RUFY2: variants seen among roughly 807,000 people sequenced by gnomAD.
The protein encoded by RUFY2 is RUN and FYVE domain containing 2.
RUFY2 carries 49 observed loss-of-function variants against 94.4 expected under a neutral mutation model. That is an observed-to-expected ratio of 0.52 (90% CI 0.41 to 0.66). The LOEUF is 0.66. RUFY2 is among the 30% of genes least tolerant of loss of function. RUFY2 has a pLI of 0.00. For synonymous variants in RUFY2, 255 were observed against 235.7 expected, an observed-to-expected ratio of 1.08 and a Z score of -0.75; for missense variants, 541 against 692.8, an observed-to-expected ratio of 0.78 and a Z score of 2.46.
intron 4 of RUFY2, among the ~76,000 whole-genome samples, chr10:68,395,771 G>A (rs2050347649): frequency 1.3e-5 from 2 of 152,236 alleles, no homozygotes; most frequent in South Asian, 4.1e-4. Context: ...TCAGAATATT[G>A]AGAAGCCATG....
intron 13 of RUFY2, among the ~76,000 whole-genome samples, chr10:68,372,857 G>A (rs932840990): frequency 4.6e-5 from 7 of 151,532 alleles, no homozygotes; most frequent in Non-Finnish European, 8.8e-5. Flanking sequence ...GCAGTGAGCT[G>A]TGGTCACACC....
chr10:68,379,446 C>T lies in RUFY2; in HGVS notation c.1183G>A (p.Ala395Thr). 6.2e-7 allele frequency: 1 copy of T among 1,612,056 alleles called. No homozygotes were observed. Among genetic ancestry groups the T allele is most frequent in the Non-Finnish European group, 8.5e-7 (1 of 1,179,256 alleles). Residue 395 changes from alanine (A) to threonine (T), a missense_variant, in exon 12 of 18, where the codon GCC (alanine) becomes ACC (threonine). By Grantham distance (58) the Ala-to-Thr change is moderately conservative. Transcript: ENST00000602465. The part of the protein sequence containing the change: ...LEEKTNKITA[A>T]MRQLEQRLQQ... The stretch of plus-strand genomic sequence containing the variant: ...TACCTTTGTTCCAGCTGCCTCATGG[C>T]TGCAGTAATTTTATTGGTTTTTTCT...
intron 15 of RUFY2, among the ~76,000 whole-genome samples, chr10:68,358,973 G>A (rs189184966): frequency 6.6e-6 from 1 of 152,278 alleles, no homozygotes; most frequent in East Asian, 1.9e-4. Flanking sequence ...TGATTTAAAT[G>A]CTCTTATTCA....
At chr10:68,386,493 G>T (rs2049505051) in intron 7 of RUFY2, among the ~76,000 whole-genome samples, 1 of 152,118 alleles carries the variant, frequency 6.6e-6, no homozygotes, top group Admixed American at 6.6e-5. Flanking sequence ...GGGTTTACAG[G>T]CGTGCGCCAC....
At chr10:68,342,781 T>C (rs1325417056), downstream of RUFY2, 1 of 152,608 alleles carries the variant, frequency 6.6e-6, no homozygotes, top group Admixed American at 6.5e-5. Context: ...GCAAGATGTC[T>C]TAGAGTAGGG....
At chr10:68,354,137 T>A (rs1005413496) in intron 16 of RUFY2, among the ~76,000 whole-genome samples, 4 of 152,112 alleles carry the variant, frequency 2.6e-5, no homozygotes, top group African/African-American at 9.7e-5. Flanking sequence ...ATCATTATTA[T>A]TAATAATATT....
chr10:68,343,919 TTAGCC>T lies in RUFY2; in HGVS notation c.*1844_*1848del, dbSNP rs995349415. The T allele has an allele frequency of 1.3e-5, 2 of 151,652 alleles. No homozygotes were observed. Among genetic ancestry groups the T allele is most frequent in the Non-Finnish European group, 2.9e-5 (2 of 67,962 alleles). 9.4% of individuals were successfully genotyped at this position (151,652 alleles called of 1,614,324 possible). A position where few individuals can be genotyped will look rare whatever the true frequency, so the allele number is the denominator to read the frequency against. On this transcript the variant is annotated 3_prime_UTR_variant, in exon 18 of 18. Coordinates refer to ENST00000602465, the MANE Select transcript of RUFY2 (RefSeq NM_001330103.2). ...CAAAATCATGGTTTGTTGAATGAAA[TTAGCC>T]TTGGAATTTAAGCAACTTAAGTCAC...
intron 1 of RUFY2, among the ~76,000 whole-genome samples, chr10:68,406,412 C>A (rs192613645): frequency 1.3e-5 from 2 of 152,146 alleles, no homozygotes; most frequent in African/African-American, 2.4e-5. Context: ...TAATCCGTGG[C>A]AACTCTCATT....
chr10:68,341,148 G>A (rs2045909200), downstream of RUFY2: 4 of 1,485,628 alleles, frequency 2.7e-6, no homozygotes, highest in Non-Finnish European at 3.6e-6. Context: ...CAATAGAAAA[G>A]TAAATAAGTG....
chr10:68,383,873 C>T lies in RUFY2; in HGVS notation c.864G>A (p.Lys288=). The T allele has an allele frequency of 1.9e-6, 3 of 1,613,914 alleles. No homozygotes were observed. Among genetic ancestry groups the T allele is most frequent in the Non-Finnish European group, 2.5e-6 (3 of 1,179,986 alleles). ...VDVETELQTY[K]HSRQGLDEMY... ...TTTCATCTAGCCCCTGACGAGAATG[C>T]TTATATGTTTGAAGCTCAGTTTCCA... Residue 288 remains lysine (K), a synonymous_variant, in exon 10 of 18, where the codon AAG becomes AAA. Coordinates refer to ENST00000602465, the MANE Select transcript of RUFY2 (RefSeq NM_001330103.2).
chr10:68,364,106 G>C lies in RUFY2; in HGVS notation c.1333C>G (p.Leu445Val). ...ISQKEKQLVQ[L>V]ETDLKIEKEW... Reference sequence around the variant, plus strand: ...TTCTCAATCTTCAAGTCAGTTTCCAGTTGCACCCTTGAATGACAAATAACA... The same window carrying C: ...TTCTCAATCTTCAAGTCAGTTTCCACTTGCACCCTTGAATGACAAATAACA... The change falls in exon 14 of 18, where the codon CTG becomes GTG. Residue 445 changes from leucine to valine, a missense_variant. This residue lies in a region of RUFY2 where 403 missense variants were observed against 480.7 expected (regional missense o/e 0.84). Transcript: ENST00000602465. 1 of 1,611,734 alleles carries C rather than the reference G, an allele frequency of 6.2e-7. No homozygotes were observed. Among genetic ancestry groups the C allele is most frequent in the Non-Finnish European group, 8.5e-7 (1 of 1,178,852 alleles).
At chr10:68,405,020 G>C (rs1445230711) in intron 1 of RUFY2, among the ~76,000 whole-genome samples, 176 bp from the exon 2 acceptor site, 2 of 152,028 alleles carry the variant, frequency 1.3e-5, no homozygotes, top group Non-Finnish European at 2.9e-5. Context: ...CACATATACT[G>C]TAAAAAATTT....
chr10:68,345,825 C>T lies in RUFY2; in HGVS notation c.1764G>A (p.Arg588=), dbSNP rs368786917. The stretch of plus-strand genomic sequence containing the variant: ...GCAGTGCATGACAGGAATCACAAAC[C>T]CGTACTGGTTTTGGTGAAGAAGGCA... The part of the protein sequence containing the change: ...LPLPSSPKPV[R]VCDSCHALLI... Residue 588 remains arginine (R), a synonymous_variant, in exon 18 of 18, where the codon CGG becomes CGA. Transcript: ENST00000602465. 2 of 1,613,962 alleles carry T rather than the reference C, an allele frequency of 1.2e-6. No homozygotes were observed. The highest frequency in any genetic ancestry group is 2.2e-5 in the East Asian group (1 of 44,878).
At chr10:68,373,732 A>T (rs991490188) in intron 13 of RUFY2, among the ~76,000 whole-genome samples, 1 of 152,190 alleles carries the variant, frequency 6.6e-6, no homozygotes, top group Non-Finnish European at 1.5e-5. Flanking sequence ...TAATGGCACC[A>T]CTATACTCCA....
intron 2 of RUFY2, among the ~76,000 whole-genome samples, chr10:68,403,415 T>C (rs1298461722): frequency 6.6e-6 from 1 of 151,964 alleles, no homozygotes; most frequent in African/African-American, 2.4e-5. Flanking sequence ...CCAGCCTGGC[T>C]AATTTTTGTA....
chr10:68,400,729 T>G (rs1425181088), intron 3 of RUFY2, among the ~76,000 whole-genome samples: 1 of 132,052 alleles, frequency 7.6e-6, no homozygotes, highest in East Asian at 2.4e-4. Flanking sequence ...AAAAAGAATA[T>G]AGGCTTGGCG....
intron 16 of RUFY2, among the ~76,000 whole-genome samples, chr10:68,353,213 C>T (rs1366595973): frequency 6.6e-6 from 1 of 151,850 alleles, no homozygotes; most frequent in Non-Finnish European, 1.5e-5. Flanking sequence ...CACCTGTAGT[C>T]CCAGCTACTC....
chr10:68,399,863 C>T (rs902649221), intron 3 of RUFY2, among the ~76,000 whole-genome samples: 1 of 152,126 alleles, frequency 6.6e-6, no homozygotes, highest in East Asian at 1.9e-4. Flanking sequence ...CTCACTGCAA[C>T]CTCTGCCTCC....
rs1170511651 is a variant in RUFY2 at position 68,386,142 on chromosome 10, AC to A, written c.651-15del. 7 of 1,599,404 alleles carry A rather than the reference AC, an allele frequency of 4.4e-6. No homozygotes were observed. The highest frequency in any genetic ancestry group is 6.0e-6 in the Non-Finnish European group (7 of 1,174,496). ...CTGACTGTGCTGCTGAAATTAAGAA[AC>A]AAAAAAACTCATTCAAAATCACACG... On this transcript the variant is annotated splice_polypyrimidine_tract_variant and intron_variant, in intron 7 of 17. Coordinates refer to ENST00000602465, the MANE Select transcript of RUFY2 (RefSeq NM_001330103.2).
Sources: gnomAD v4.1 joint callset for allele counts (sites outside exome capture counted in the v4.1 genomes callset) on GRCh38, gnomAD v4.1.1 for gene constraint, gnomAD v4.1.1 regional missense constraint, MANE v1.5 for transcripts, NCBI Gene and HGNC (gene_info 2026-07-23, HGNC 2026-07-21) for gene names.